The following MED16 variants were observed in gnomAD, a reference collection of about 807,000 sequenced individuals.
MED16 encodes mediator complex subunit 16, also known as mediator of RNA polymerase II transcription subunit 16.
A neutral mutation model predicts 84.4 loss-of-function variants in MED16; 81 were observed. The ratio of observed to expected loss-of-function variants is 0.96; its 90% CI spans 0.80 to 1.15. MED16 has a LOEUF of 1.15. MED16 is among the 50% of genes most tolerant of loss of function. MED16 has a pLI of 0.00. For synonymous variants in MED16, 897 were observed against 552.2 expected (o/e 1.62, Z -8.76); for missense variants, 1,585 against 1,245.9 (o/e 1.27, Z -4.10).
At chr19:890,022 G>A (rs1408146518) in intron 3 of MED16, 115 bp downstream of exon 3, 5 of 860,230 alleles carry the variant, frequency 5.8e-6, no homozygotes, top group Admixed American at 2.5e-5. Context: ...GTGCAAAGCT[G>A]CAGACCAGGG....
In MED16 at chr19:877,200, A is replaced by C. The variant is rs770164373; in HGVS notation, c.1354-20T>G. 5.6e-6 allele frequency: 9 copies of C among 1,595,640 alleles called. No homozygotes were observed. The highest frequency in any genetic ancestry group is 7.7e-6 in the Non-Finnish European group (9 of 1,173,742). On this transcript the variant is annotated intron_variant, in intron 8 of 15. Transcript: ENST00000325464. The stretch of plus-strand genomic sequence containing the variant: ...GCTCAGCTGCCAGAGACAGAGCCCA[A>C]GGAGAGCCCGGTGAGATGGGGCTGC...
intron 12 of MED16, chr19:871,681 T>C (rs758949287): frequency 2.0e-6 from 3 of 1,531,728 alleles, no homozygotes; most frequent in East Asian, 2.3e-5. Flanking sequence ...ATAGCAGATA[T>C]CAAGGCAGAG....
intron 4 of MED16, among the ~76,000 whole-genome samples, chr19:888,598 C>T (rs1261117832): frequency 2.0e-5 from 3 of 151,470 alleles, no homozygotes; most frequent in East Asian, 1.9e-4. Flanking sequence ...CGAGTGTATA[C>T]GAAACCTCTG....
intron 9 of MED16, among the ~76,000 whole-genome samples, chr19:876,107 G>A (rs1416274108): frequency 2.0e-5 from 3 of 152,280 alleles, no homozygotes; most frequent in East Asian, 1.9e-4. Context: ...GGTCTCACGC[G>A]TTTCTCGGCA....
intron 6 of MED16, 110 bp from the exon 7 acceptor site, chr19:881,824 G>A (rs963332340): frequency 6.1e-6 from 8 of 1,307,538 alleles, no homozygotes; most frequent in Admixed American, 2.0e-5. Context: ...GCCCTTCCCA[G>A]GTCTCATGCC....
intron 8 of MED16, among the ~76,000 whole-genome samples, chr19:877,813 T>A (rs1355877987): frequency 8.6e-6 from 1 of 115,614 alleles, no homozygotes. Flanking sequence ...CCCCAGCAGC[T>A]CGCCTTCCCG....
At chr19:882,529 C>CA (rs1459400049) in intron 6 of MED16, among the ~76,000 whole-genome samples, 1 of 152,158 alleles carries the variant, frequency 6.6e-6, no homozygotes, top group Non-Finnish European at 1.5e-5. Context: ...AGCTCAAAAA[C>CA]AAAAAACAAA....
chr19:873,370 G>C, intron 11 of MED16, 79 bp downstream of exon 11: 1 of 1,466,216 alleles, frequency 6.8e-7, no homozygotes, highest in Non-Finnish European at 9.2e-7. Flanking sequence ...GGTTTTGAGG[G>C]GCAGGGGCAG....
At position 871,679 on chromosome 19, in the gene MED16, T is replaced by C. The variant is rs1277519631; in HGVS notation, c.2098+247A>G. 2.6e-6 allele frequency: 4 copies of C among 1,550,440 alleles called. No homozygotes were observed. In the South Asian group the frequency reaches 3.3e-5, roughly 13 times the overall value. ...TGCTAGGAACTGGGGAAATAGCAGA[T>C]ATCAAGGCAGAGCCACTGCCACCTG... On this transcript the variant is annotated intron_variant, in intron 12 of 15. Transcript: ENST00000325464.
At chr19:881,156 G>C (rs916069033) in intron 7 of MED16, among the ~76,000 whole-genome samples, 2 of 152,138 alleles carry the variant, frequency 1.3e-5, no homozygotes, top group Non-Finnish European at 2.9e-5. Flanking sequence ...TGAGCAAATA[G>C]GGTAGGCACT....
intron 8 of MED16, among the ~76,000 whole-genome samples, chr19:879,540 G>GCCCA (rs1269100324): frequency 3.7e-5 from 2 of 54,654 alleles, no homozygotes; most frequent in Non-Finnish European, 3.3e-5. Context: ...TGCCTACCAG[G>GCCCA]GCCACGCCCC....
rs149124128 is a variant in MED16 at position 889,623 on chromosome 19, G to C, written c.447+15C>G. The C allele has an allele frequency of 6.2e-7, 1 of 1,601,128 alleles. No individual in the cohort carries two copies. Among genetic ancestry groups the C allele is most frequent in the Non-Finnish European group, 8.5e-7 (1 of 1,170,158 alleles). On this transcript the variant is annotated intron_variant, in intron 4 of 15. Transcript: ENST00000325464. ...TCTCATCTGCCTCATCCGCTCACTC[G>C]GGCAGGACACTCACCTTCTCCACGT... is the stretch of plus-strand genomic sequence containing the variant.
chr19:885,157 C>T (rs891467281), intron 5 of MED16, 149 bp from the exon 6 acceptor site: 2 of 621,596 alleles, frequency 3.2e-6, no homozygotes, highest in Non-Finnish European at 5.7e-6. Flanking sequence ...TGGATTCCAG[C>T]CCAGGCCTGT....
chr19:876,890 C>T, intron 9 of MED16, 84 bp downstream of exon 9: 4 of 1,405,250 alleles, frequency 2.8e-6, no homozygotes, highest in Non-Finnish European at 3.8e-6. Flanking sequence ...CCCCCACCTG[C>T]CACGGGGCCC....
intron 11 of MED16, chr19:872,841 G>T: frequency 1.8e-6 from 1 of 547,096 alleles, no homozygotes; most frequent in Non-Finnish European, 2.4e-6. Context: ...GTGGGGCTGA[G>T]AAGGAGCAGG....
intron 8 of MED16, among the ~76,000 whole-genome samples, chr19:879,715 T>C (rs1214869653): frequency 7.7e-4 from 49 of 64,030 alleles, no homozygotes; most frequent in African/African-American, 2.5e-3. Flanking sequence ...CTTCCCCTGG[T>C]TGTCAATGCC....
rs2036390212 is a variant in MED16, at chr19:880,160, A to T, written c.1142-12T>A. ...GGCCAGGGCCAGCCCTGTGGGGCAC[A>T]GGCACTGCTTAGACATGGGCAGGGC... On this transcript the variant is annotated splice_polypyrimidine_tract_variant and intron_variant, in intron 7 of 15. Coordinates refer to ENST00000325464, the MANE Select transcript of MED16 (RefSeq NM_005481.3). The T allele has an allele frequency of 6.2e-7, 1 of 1,602,734 alleles. No individual in the cohort carries two copies. Among genetic ancestry groups the T allele is most frequent in the Non-Finnish European group, 8.5e-7 (1 of 1,177,150 alleles).
chr19:871,630 G>C, intron 12 of MED16: 1 of 1,595,302 alleles, frequency 6.3e-7, no homozygotes, highest in Non-Finnish European at 8.5e-7. Flanking sequence ...CATCCCAAAA[G>C]CACCCACACA....
At chr19:872,554 G>A (rs148228984) in intron 11 of MED16, among the ~76,000 whole-genome samples, 6 of 151,954 alleles carry the variant, frequency 3.9e-5, no homozygotes, top group African/African-American at 1.2e-4. Context: ...CAAACCGTCC[G>A]TGATGGGCGC....
Sources: gnomAD v4.1 joint callset for allele counts (sites outside exome capture counted in the v4.1 genomes callset) on GRCh38, gnomAD v4.1.1 for gene constraint, MANE v1.5 for transcripts, NCBI Gene and HGNC (gene_info 2026-07-23, HGNC 2026-07-21) for gene names.